The following CDH23 variants were observed in gnomAD, a reference collection of about 807,000 sequenced individuals.
CDH23 encodes cadherin-23.
A neutral mutation model predicts 317.1 loss-of-function variants in CDH23; 189 were observed. That is an observed-to-expected ratio of 0.60 (90% CI 0.53 to 0.67). The LOEUF (loss-of-function observed/expected upper bound fraction) is 0.67. CDH23 is among the 30% of genes least tolerant of loss of function. The probability of loss-of-function intolerance (pLI) is 0.00; values close to 1 mark genes in which losing one functional copy is unlikely to be tolerated. For missense variants in CDH23, 4,401 were observed against 4,592.4 expected (o/e 0.96, Z 1.20); for synonymous variants, 1,839 against 1,876.8 (o/e 0.98, Z 0.52).
chr10:71,595,581 A>G (rs895968111), intron 9 of CDH23, among the ~76,000 whole-genome samples: 1 of 152,072 alleles, frequency 6.6e-6, no homozygotes, highest in African/African-American at 2.4e-5. Context: ...CCTTCCCCCC[A>G]TGGTAACCAC....
intron 14 of CDH23, among the ~76,000 whole-genome samples, chr10:71,674,816 A>G (rs1408498198): frequency 1.3e-5 from 2 of 152,230 alleles, no homozygotes; most frequent in Admixed American, 6.5e-5. Flanking sequence ...ACAAAAGCCA[A>G]ACCCCCATTA....
At position 71,815,218 on chromosome 10, in the gene CDH23, A is replaced by G; in HGVS notation, c.10005A>G (p.Thr3335=). 6.2e-7 allele frequency: 1 copy of G among 1,600,636 alleles called. No individual in the cohort carries two copies. The highest frequency in any genetic ancestry group is 2.2e-5 in the East Asian group (1 of 44,520). ...RNARTESAKS[T]PLHKLRDVIM... is the part of the protein sequence containing the mutation. ...CCCGCACAGAATCCGCCAAATCCAC[A>G]CCCCTGCACAAACTTCGCGACGTGA... is the stretch of plus-strand genomic sequence containing the variant. The change falls in exon 70 of 70, where the codon ACA becomes ACG. Residue 3335 remains threonine, a synonymous_variant. Coordinates refer to ENST00000224721, the MANE Select transcript of CDH23 (RefSeq NM_022124.6).
rs557633899 is a variant in CDH23, at chr10:71,634,264, G to A, written c.1135-9597G>A. 2.0e-5 allele frequency among the ~76,000 whole-genome samples: 3 copies of A among 152,376 alleles called. No individual in the cohort carries two copies. The East Asian group carries it at 5.8e-4, about 29-fold the overall frequency. On this transcript the variant is annotated intron_variant, in intron 11 of 69. Coordinates refer to ENST00000224721, the MANE Select transcript of CDH23 (RefSeq NM_022124.6). ...GTGATTCTCCCCAGAAGGGGCCCCA[G>A]AAGGAGGGGCAGGACAGTCCTGGGC...
intron 28 of CDH23, 88 bp downstream of exon 28, chr10:71,712,901 A>T: frequency 6.7e-7 from 1 of 1,490,730 alleles, no homozygotes; most frequent in South Asian, 1.2e-5. Flanking sequence ...CAGTGGCACC[A>T]GAGGCGGAAG....
chr10:71,777,697 C>T lies in CDH23; in HGVS notation c.4863C>T (p.Tyr1621=), dbSNP rs374797859. The stretch of plus-strand genomic sequence containing the variant: ...TTCCACAGGCCACCACGCACGTGTA[C>T]GTGACCATTGTGGATGAGAATGATA... ...TPTLSATTHV[Y]VTIVDENDNA... Residue 1621 remains tyrosine, a synonymous_variant, in exon 39 of 70, where the codon TAC becomes TAT. Transcript: ENST00000224721. The T allele has an allele frequency of 1.4e-4, 226 of 1,612,200 alleles. No homozygotes were observed. Among genetic ancestry groups the T allele is most frequent in the Non-Finnish European group, 1.7e-4 (197 of 1,179,296 alleles).
chr10:71,414,074 T>G (rs1243625505), intron 1 of CDH23, among the ~76,000 whole-genome samples: 1 of 151,892 alleles, frequency 6.6e-6, no homozygotes, highest in Non-Finnish European at 1.5e-5. Flanking sequence ...TGTGTGTGTG[T>G]GTGTGTGTGT....
intron 3 of CDH23, among the ~76,000 whole-genome samples, chr10:71,457,134 G>A (rs1850735205): frequency 1.3e-5 from 2 of 152,192 alleles, no homozygotes; most frequent in African/African-American, 4.8e-5. Context: ...TTGATTGGTT[G>A]GGTTTTGATA....
chr10:71,507,445 A>G (rs1371633789), intron 3 of CDH23, among the ~76,000 whole-genome samples: 1 of 152,224 alleles, frequency 6.6e-6, no homozygotes, highest in East Asian at 1.9e-4. Context: ...TAATCCCAGC[A>G]CTTTGGTAGG....
intron 1 of CDH23, among the ~76,000 whole-genome samples, chr10:71,401,982 G>A (rs1379895542): frequency 2.0e-5 from 3 of 152,194 alleles, no homozygotes; most frequent in Non-Finnish European, 4.4e-5. Context: ...CCTCATTGAC[G>A]AGAAAGGTGT....
chr10:71,409,586 G>A (rs1367905827), intron 1 of CDH23, among the ~76,000 whole-genome samples: 1 of 152,078 alleles, frequency 6.6e-6, no homozygotes, highest in Non-Finnish European at 1.5e-5. Flanking sequence ...ATTTGGGAGT[G>A]GAAAGCAGAG....
In CDH23 at chr10:71,736,030, C is replaced by T. The variant is rs916209745; in HGVS notation, c.4209+1372C>T. 8.5e-5 allele frequency among the ~76,000 whole-genome samples: 13 copies of T among 152,234 alleles called. No individual in the cohort carries two copies. In the South Asian group the frequency reaches 1.9e-3, roughly 22 times the overall value. On this transcript the variant is annotated intron_variant, in intron 34 of 69. Transcript: ENST00000224721. ...CCTGGCCCTCACACAGCAGGTGTTG[C>T]GAGAAGGCTGGGAGGAGAGGCCAGT...
At chr10:71,752,786 C>T (rs931004484) in intron 38 of CDH23, among the ~76,000 whole-genome samples, 1 of 152,200 alleles carries the variant, frequency 6.6e-6, no homozygotes, top group Admixed American at 6.5e-5. Context: ...AATCAGAGCT[C>T]AGCCTGCTGA....
At chr10:71,709,938 C>T (rs994247426) in intron 27 of CDH23, among the ~76,000 whole-genome samples, 6 of 152,122 alleles carry the variant, frequency 3.9e-5, no homozygotes, top group Middle Eastern at 3.4e-3. Context: ...GATGGTAGCA[C>T]GCAAAGAGAG....
At chr10:71,731,377 G>A (rs1359583195) in intron 31 of CDH23, among the ~76,000 whole-genome samples, 1 of 152,250 alleles carries the variant, frequency 6.6e-6, no homozygotes, top group Non-Finnish European at 1.5e-5. Flanking sequence ...AGGAATGGCT[G>A]CAAATTCTCA....
At chr10:71,748,187 TGTC>T (rs1365247010) in intron 38 of CDH23, 1 of 152,296 alleles carries the variant, frequency 6.6e-6, no homozygotes, top group Non-Finnish European at 1.5e-5. Flanking sequence ...TGCAGCCCCC[TGTC>T]CCACTGCACA....
At chr10:71,516,302 G>T (rs1854327970) in intron 6 of CDH23, among the ~76,000 whole-genome samples, 1 of 152,216 alleles carries the variant, frequency 6.6e-6, no homozygotes, top group Admixed American at 6.5e-5. Context: ...CTATGGGGAA[G>T]GGCTGGAGCT....
chr10:71,773,531 G>T (rs1397341239), intron 38 of CDH23: 7 of 1,275,846 alleles, frequency 5.5e-6, no homozygotes, highest in Non-Finnish European at 7.6e-6. Flanking sequence ...GAGTGCGAGC[G>T]AGTGAGCGCT....
rs1564648477 is a variant in CDH23, at chr10:71,552,344, C to CCAGA, written c.430-14398_430-14397insCAGA. Among the ~76,000 whole-genome samples the CCAGA allele has an allele frequency of 5.3e-5, 8 of 152,320 alleles. No homozygotes were observed. The East Asian group carries it at 1.5e-3, about 29-fold the overall frequency. On this transcript the variant is annotated intron_variant, in intron 6 of 69. Transcript: ENST00000224721. ...GGGCAACAGGGGGCCAGGCCTCTGGCGTCCTGGCTTATAGTGCCCTTGACT... is the reference window on the plus strand; with the variant it reads ...GGGCAACAGGGGGCCAGGCCTCTGGCCAGAGTCCTGGCTTATAGTGCCCTTGACT...
At chr10:71,755,342 C>T in intron 38 of CDH23, 1 of 1,602,710 alleles carries the variant, frequency 6.2e-7, no homozygotes, top group Non-Finnish European at 8.5e-7. Flanking sequence ...CCACCCCAGG[C>T]AGGGAGGAAT....
Sources: allele counts gnomAD v4.1 joint callset (sites outside exome capture counted in the v4.1 genomes callset), GRCh38; gene constraint gnomAD v4.1.1; transcripts MANE v1.5; gene names NCBI Gene and HGNC (gene_info 2026-07-23, HGNC 2026-07-21).